CNTN4: variants seen among roughly 807,000 people sequenced by gnomAD.
CNTN4 encodes the protein contactin 4.
A neutral mutation model predicts 122.5 loss-of-function variants in CNTN4; 77 were observed. The observed-to-expected ratio is 0.63, with a 90% CI of 0.52 to 0.76. CNTN4 has a LOEUF of 0.76. Among genes scored for constraint, CNTN4 ranks in the 30% least tolerant of loss-of-function variants. The pLI, the probability that CNTN4 is intolerant of heterozygous loss-of-function variation, is 0.00. For synonymous variants in CNTN4, 512 were observed against 447.0 expected, an observed-to-expected ratio of 1.15 and a Z score of -1.83; for missense variants, 1,256 against 1,259.1, an observed-to-expected ratio of 1.00 and a Z score of 0.04.
In CNTN4 at chr3:3,037,336, G is replaced by A; in HGVS notation, c.2092+8G>A. 3.1e-6 allele frequency: 5 copies of A among 1,614,138 alleles called. No homozygotes were observed. Among genetic ancestry groups the A allele is most frequent in the Non-Finnish European group, 4.2e-6 (5 of 1,180,008 alleles). Reference sequence around the variant, plus strand: ...GGAGAACAGAAGAAGCTCGTGAGTAGCACCCGAGATTCAGATCATCTGTTC... The same window carrying A: ...GGAGAACAGAAGAAGCTCGTGAGTAACACCCGAGATTCAGATCATCTGTTC... On this transcript the variant is annotated splice_region_variant and intron_variant, in intron 18 of 24. Transcript: ENST00000418658.
intron 7 of CNTN4, among the ~76,000 whole-genome samples, chr3:2,843,319 C>G (rs1472504620): frequency 6.6e-6 from 1 of 152,104 alleles, no homozygotes; most frequent in Non-Finnish European, 1.5e-5. Context: ...TCAAAACATA[C>G]CCTGTATCAA....
At position 2,840,510 on chromosome 3, in the gene CNTN4, C is replaced by T. The variant is rs567249979; in HGVS notation, c.454+20929C>T. ...GGTCAGGAGATCGAGACCATCCTGG[C>T]TAACACGGTGAAACCCCGTCTCTAC... On this transcript the variant is annotated intron_variant, in intron 7 of 24. Coordinates refer to ENST00000418658, the MANE Select transcript of CNTN4 (RefSeq NM_175607.3). 5.5e-3 allele frequency among the ~76,000 whole-genome samples: 710 copies of T among 128,106 alleles called. 10 individuals carry two copies. The highest frequency in any genetic ancestry group is 0.019 in the African/African-American group (691 of 36,864). The allele number at this position is 128,106 out of a possible 152,430, so 84.0% of individuals were successfully genotyped here. A position where few individuals can be genotyped will look rare whatever the true frequency, so the allele number is the denominator to read the frequency against.
At chr3:2,467,811 G>A (rs1036522339) in intron 3 of CNTN4, among the ~76,000 whole-genome samples, 1 of 152,086 alleles carries the variant, frequency 6.6e-6, no homozygotes. Flanking sequence ...CAGTGTCCTG[G>A]TCCCTCCTGA....
chr3:2,848,439 AGTCCCCGTGTTG>A (rs2093492170), intron 7 of CNTN4, among the ~76,000 whole-genome samples: 1 of 152,178 alleles, frequency 6.6e-6, no homozygotes, highest in Non-Finnish European at 1.5e-5. Context: ...CATTTCCAGA[AGTCCCCGTGTTG>A]GTTCCCACTG....
intron 9 of CNTN4, among the ~76,000 whole-genome samples, chr3:2,885,218 G>A (rs1159212099): frequency 1.3e-5 from 2 of 152,122 alleles, no homozygotes; most frequent in Non-Finnish European, 2.9e-5. Context: ...CCCCTGCCAG[G>A]CAGCCACAAT....
At chr3:2,921,296 C>T (rs2094427760) in intron 12 of CNTN4, among the ~76,000 whole-genome samples, 1 of 152,220 alleles carries the variant, frequency 6.6e-6, no homozygotes, top group African/African-American at 2.4e-5. Flanking sequence ...CTTGGCCTCC[C>T]AAAGTGCTGG....
chr3:2,385,722 T>A lies in CNTN4; in HGVS notation c.-89+46489T>A, dbSNP rs1011394769. Among the ~76,000 whole-genome samples the A allele has an allele frequency of 9.9e-5, 15 of 152,062 alleles. 1 individual carries two copies. Among genetic ancestry groups the A allele is most frequent in the Non-Finnish European group, 1.6e-4 (11 of 68,020 alleles). On this transcript the variant is annotated intron_variant, in intron 3 of 24. Coordinates refer to ENST00000418658, the MANE Select transcript of CNTN4 (RefSeq NM_175607.3). This position sits in a 1 kb window ranked among gnomAD's most constrained non-coding sequence, Gnocchi z 4.0. ...CTGTATGCCTGTGTGTTCAAATTTT[T>A]TCCTCTTCTCATAAGGACATAAGTC...
At position 2,571,554 on chromosome 3, in the gene CNTN4, T is replaced by C. The variant is rs2079420162; in HGVS notation, c.51T>C (p.Leu17=). 1.2e-6 allele frequency: 2 copies of C among 1,612,524 alleles called. No individual in the cohort carries two copies. Among genetic ancestry groups the C allele is most frequent in the African/African-American group, 2.7e-5 (2 of 74,892 alleles). Residue 17 remains leucine (L), a synonymous_variant, in exon 4 of 25, where the codon CTT becomes CTC. Coordinates refer to ENST00000418658, the MANE Select transcript of CNTN4 (RefSeq NM_175607.3). ...LLVLQSFILC[L]ADDSTLHGPI... is the part of the protein sequence containing the mutation. ...TACTGCAATCATTCATTTTGTGCCT[T>C]GCAGGTAGAGTGTCATTTTAAAACT...
chr3:2,601,164 T>A (rs1466255599), intron 4 of CNTN4, among the ~76,000 whole-genome samples: 1 of 152,214 alleles, frequency 6.6e-6, no homozygotes, highest in Non-Finnish European at 1.5e-5. Context: ...CTGTTCACTC[T>A]GATGGTAGTT....
At chr3:2,674,726 C>G (rs2084740349) in intron 4 of CNTN4, among the ~76,000 whole-genome samples, 1 of 152,020 alleles carries the variant, frequency 6.6e-6, no homozygotes, top group South Asian at 2.1e-4. Flanking sequence ...CCACAGCACT[C>G]CAGTCTGGGT....
chr3:2,207,006 A>G (rs1221097724), intron 2 of CNTN4, among the ~76,000 whole-genome samples: 2 of 151,088 alleles, frequency 1.3e-5, no homozygotes, highest in East Asian at 4.2e-4. Flanking sequence ...AATTCTCTCA[A>G]TATTTCAGAC....
intron 4 of CNTN4, among the ~76,000 whole-genome samples, chr3:2,690,403 A>G (rs1352149662): frequency 2.6e-5 from 4 of 152,108 alleles, no homozygotes; most frequent in South Asian, 2.1e-4. Flanking sequence ...AATTGTCCAG[A>G]TACGTAGCCC....
chr3:2,897,596 A>G (rs2094129380), intron 10 of CNTN4, among the ~76,000 whole-genome samples: 2 of 152,192 alleles, frequency 1.3e-5, no homozygotes, highest in South Asian at 4.1e-4. Flanking sequence ...ATTTTGGAAT[A>G]TTTCGACCCA....
chr3:3,044,867 A>G (rs1451277472), intron 23 of CNTN4, among the ~76,000 whole-genome samples: 1 of 152,188 alleles, frequency 6.6e-6, no homozygotes, highest in Non-Finnish European at 1.5e-5. Context: ...TAGCCAAGCA[A>G]AGCTGTGACA....
At chr3:2,188,892 G>T (rs907799832) in intron 2 of CNTN4, among the ~76,000 whole-genome samples, 2 of 152,148 alleles carry the variant, frequency 1.3e-5, no homozygotes, top group African/African-American at 4.8e-5. Flanking sequence ...GACTCCCTGT[G>T]CCCTCCCAGG....
intron 2 of CNTN4, among the ~76,000 whole-genome samples, chr3:2,211,218 C>G (rs1181486242): frequency 1.3e-5 from 2 of 151,940 alleles, no homozygotes; most frequent in Non-Finnish European, 2.9e-5. Flanking sequence ...GCGCCACACA[C>G]TTTTAAATGA....
chr3:2,878,556 TG>T (rs2093872534), intron 8 of CNTN4, among the ~76,000 whole-genome samples: 1 of 18,982 alleles, frequency 5.3e-5, no homozygotes. Flanking sequence ...ATGCTCTCTG[TG>T]TGTGTGTGTG....
intron 6 of CNTN4, among the ~76,000 whole-genome samples, chr3:2,766,259 T>C (rs891642669): frequency 6.6e-6 from 1 of 152,214 alleles, no homozygotes; most frequent in Admixed American, 6.5e-5. Flanking sequence ...TAAGTCTACC[T>C]TTTGCTTTGT....
chr3:2,332,090 C>T (rs537885968), intron 2 of CNTN4, among the ~76,000 whole-genome samples: 3 of 152,182 alleles, frequency 2.0e-5, no homozygotes, highest in African/African-American at 7.2e-5. Context: ...AGGGGTTCAG[C>T]GTGACAGGCT....
Sources: gnomAD v4.1 joint callset for allele counts (sites outside exome capture counted in the v4.1 genomes callset) on GRCh38, gnomAD v4.1.1 for gene constraint, Gnocchi (gnomAD v3.1) non-coding constraint, MANE v1.5 for transcripts, NCBI Gene and HGNC (gene_info 2026-07-23, HGNC 2026-07-21) for gene names.